The following UNK variants were observed in gnomAD, a reference collection of about 807,000 sequenced individuals.
The protein encoded by UNK is unk zinc finger, also known as RING finger protein unkempt homolog.
Under a neutral mutation model 97.6 loss-of-function variants are expected in UNK, and 32 were observed. That is an observed-to-expected ratio of 0.33 (90% CI 0.25 to 0.44). UNK has a LOEUF of 0.44. UNK is among the 20% of genes least tolerant of loss of function. UNK has a pLI of 1.00. For synonymous variants in UNK, 441 were observed against 461.2 expected (o/e 0.96, Z 0.56); for missense variants, 771 against 1,098.4 (o/e 0.70, Z 4.21).
chr17:75,787,102 G>A (rs2061719382), intron 1 of UNK, among the ~76,000 whole-genome samples: 1 of 152,316 alleles, frequency 6.6e-6, no homozygotes, highest in East Asian at 1.9e-4. Context: ...AGACTTACTA[G>A]CATTCAGAAG....
Position 75,818,528 on chromosome 17 carries a change from C to T in UNK, c.1372-114C>T, listed in dbSNP as rs1000171098. The stretch of plus-strand genomic sequence containing the variant: ...GGGCCCATGTGGGCATGGGGGCACC[C>T]GGACTAGAGCTAGCACGGGCCATTT... On this transcript the variant is annotated intron_variant, in intron 10 of 15. Coordinates refer to ENST00000589666, the MANE Select transcript of UNK (RefSeq NM_001080419.3). This position sits in a 1 kb window ranked among gnomAD's most constrained non-coding sequence, Gnocchi z 5.1. The T allele has an allele frequency of 1.8e-5, 23 of 1,272,876 alleles. No homozygotes were observed. Among genetic ancestry groups the T allele is most frequent in the South Asian group, 4.5e-5 (3 of 66,050 alleles). The allele number at this position is 1,272,876 out of a possible 1,614,324, so 78.8% of individuals were successfully genotyped here.
intron 13 of UNK, 47 bp from the exon 14 acceptor site, chr17:75,822,430 G>C: frequency 6.4e-7 from 1 of 1,555,734 alleles, no homozygotes; most frequent in Non-Finnish European, 8.7e-7. Flanking sequence ...GCCAGGGCCT[G>C]GGCCCAAAGC....
intron 6 of UNK, among the ~76,000 whole-genome samples, chr17:75,814,489 CAAA>C (rs59234903): frequency 2.9e-5 from 2 of 70,012 alleles, no homozygotes; most frequent in Non-Finnish European, 5.1e-5. Context: ...GAGACTCCAT[CAAA>C]AAAAAAAAAA....
At chr17:75,789,359 C>T (rs188965710) in intron 1 of UNK, among the ~76,000 whole-genome samples, 5 of 151,610 alleles carry the variant, frequency 3.3e-5, no homozygotes, top group African/African-American at 1.2e-4. Flanking sequence ...TTTCTGAGAC[C>T]GAGTCTCGCT....
chr17:75,818,252 C>A lies in UNK; in HGVS notation c.1371+84C>A. ...CCAGGAGGCTTCGGGGAGTGGGAGG[C>A]ACCACTTTTCCCAAAAGCTGAGGGC... On this transcript the variant is annotated intron_variant, in intron 10 of 15. Coordinates refer to ENST00000589666, the MANE Select transcript of UNK (RefSeq NM_001080419.3). This position sits in a 1 kb window ranked among gnomAD's most constrained non-coding sequence, Gnocchi z 5.1. The A allele has an allele frequency of 6.8e-7, 1 of 1,478,668 alleles. No individual in the cohort carries two copies. The highest frequency in any genetic ancestry group is 9.3e-7 in the Non-Finnish European group (1 of 1,075,886). The allele number at this position is 1,478,668 out of a possible 1,614,324, so 91.6% of individuals were successfully genotyped here. A position where few individuals can be genotyped will look rare whatever the true frequency, so the allele number is the denominator to read the frequency against.
In UNK at chr17:75,812,681, C is replaced by A. The variant is rs1348313257; in HGVS notation, c.622+96C>A. 4.0e-6 allele frequency: 6 copies of A among 1,499,292 alleles called. No individual in the cohort carries two copies. The South Asian group carries it at 5.3e-5, about 13-fold the overall frequency. 92.9% of individuals were successfully genotyped at this position (1,499,292 alleles called of 1,614,324 possible). ...ACCACCACCTACTGCCTGCTCTAGC[C>A]GAGGCCCCGACCTGGCCCGCATCCC... is the stretch of plus-strand genomic sequence containing the variant. On this transcript the variant is annotated intron_variant, in intron 4 of 15. Coordinates refer to ENST00000589666, the MANE Select transcript of UNK (RefSeq NM_001080419.3).
At chr17:75,805,973 G>A (rs1207966165) in intron 1 of UNK, among the ~76,000 whole-genome samples, 4 of 152,074 alleles carry the variant, frequency 2.6e-5, no homozygotes, top group Admixed American at 2.0e-4. Flanking sequence ...TCCGCTGGGC[G>A]TGGTGGCTCA....
rs754401088 is a variant in UNK, at chr17:75,816,939, G to A, written c.1104+27G>A. 3.5e-5 allele frequency: 56 copies of A among 1,586,974 alleles called. No individual in the cohort carries two copies. Among genetic ancestry groups the A allele is most frequent in the Non-Finnish European group, 4.7e-5 (55 of 1,172,432 alleles). On this transcript the variant is annotated intron_variant, in intron 8 of 15. Coordinates refer to ENST00000589666, the MANE Select transcript of UNK (RefSeq NM_001080419.3). The surrounding 1 kb of genome is among the most constrained non-coding windows in gnomAD (Gnocchi z 4.0). ...TACGTGTCCATCCTGGGGAGTGGGT[G>A]GGCACCATGCCTGACAGAGCCAATA...
At chr17:75,804,811 A>G (rs2061895558) in intron 1 of UNK, among the ~76,000 whole-genome samples, 1 of 152,014 alleles carries the variant, frequency 6.6e-6, no homozygotes, top group Non-Finnish European at 1.5e-5. Context: ...ACTGCACTCC[A>G]GCCTGGTCAA....
At position 75,812,610 on chromosome 17, in the gene UNK, C is replaced by T. The variant is rs535441444; in HGVS notation, c.622+25C>T. The T allele has an allele frequency of 5.7e-5, 92 of 1,607,576 alleles. 1 individual carries two copies. The East Asian group carries it at 1.3e-3, about 22-fold the overall frequency. ...GGTACAGGCATCCACACCTCGGCCG[C>T]GCCCTCCCTATAATCCTGCTCATAG... On this transcript the variant is annotated intron_variant, in intron 4 of 15. Transcript: ENST00000589666.
At position 75,824,491 on chromosome 17, in the gene UNK, T is replaced by G; in HGVS notation, c.*74T>G. On this transcript the variant is annotated 3_prime_UTR_variant, in exon 16 of 16. Transcript: ENST00000589666. The surrounding 1 kb of genome is among the most constrained non-coding windows in gnomAD (Gnocchi z 4.9). ...TTTAAAGTATATATATATATATGAA[T>G]ATATATATATATGTGTATGTATGTA... 5.4e-4 allele frequency: 291 copies of G among 536,300 alleles called. No individual in the cohort carries two copies. Among genetic ancestry groups the G allele is most frequent in the Non-Finnish European group, 6.5e-4 (258 of 394,158 alleles). The allele number at this position is 536,300 out of a possible 1,614,324, so 33.2% of individuals were successfully genotyped here. A position where few individuals can be genotyped will look rare whatever the true frequency, so the allele number is the denominator to read the frequency against.
chr17:75,804,454 AAAAAAT>A (rs773129031), intron 1 of UNK, among the ~76,000 whole-genome samples: 1 of 151,256 alleles, frequency 6.6e-6, no homozygotes. Flanking sequence ...GACTCCATCT[AAAAAAT>A]AAAAATAAAA....
chr17:75,804,461 A>C lies in UNK; in HGVS notation c.105-5299A>C, dbSNP rs538302279. ...CAGAGTGAGACTCCATCTAAAAAAT[A>C]AAAATAAAAAATCCATTAATCTGCG... On this transcript the variant is annotated intron_variant, in intron 1 of 15. Transcript: ENST00000589666. Among the ~76,000 whole-genome samples, 3 of 152,180 alleles carry C rather than the reference A, an allele frequency of 2.0e-5. 1 individual carries two copies. In the South Asian group the frequency reaches 6.2e-4, roughly 32 times the overall value.
At chr17:75,806,858 G>A (rs1185421324) in intron 1 of UNK, among the ~76,000 whole-genome samples, 1 of 152,200 alleles carries the variant, frequency 6.6e-6, no homozygotes, top group East Asian at 1.9e-4. Context: ...ACAGAGAAAG[G>A]CCAGAAACAG....
intron 13 of UNK, among the ~76,000 whole-genome samples, 156 bp downstream of exon 13, chr17:75,820,264 C>T (rs2062055007): frequency 6.6e-6 from 1 of 152,186 alleles, no homozygotes; most frequent in African/African-American, 2.4e-5. Context: ...GTCTGTGTGA[C>T]CCTGGACAAG....
rs374888283 is a variant in UNK at position 75,813,788 on chromosome 17, C to T, written c.786C>T (p.His262=). ...YRSSPCPNVK[H]GDEWGDPGKC... ...CGTCTCCATGTCCAAACGTCAAGCA[C>T]GGGGATGAGTGGGGAGACCCTGGCA... Residue 262 remains histidine, a synonymous_variant, in exon 6 of 16, where the codon CAC becomes CAT. Coordinates refer to ENST00000589666, the MANE Select transcript of UNK (RefSeq NM_001080419.3). 13 of 1,599,108 alleles carry T rather than the reference C, an allele frequency of 8.1e-6. No individual in the cohort carries two copies. The highest frequency in any genetic ancestry group is 3.3e-4 in the Middle Eastern group (2 of 6,068).
At chr17:75,800,997 G>A (rs1034418926) in intron 1 of UNK, among the ~76,000 whole-genome samples, 5 of 151,480 alleles carry the variant, frequency 3.3e-5, no homozygotes, top group Admixed American at 2.6e-4. Flanking sequence ...TCTGTCTCCC[G>A]GGTTCATACC....
chr17:75,810,257 G>A (rs1009805255), intron 2 of UNK, among the ~76,000 whole-genome samples: 1 of 152,230 alleles, frequency 6.6e-6, no homozygotes, highest in African/African-American at 2.4e-5. Flanking sequence ...CTCCCCTGGG[G>A]ATCACATCCC....
rs2062019464 is a variant in UNK, at chr17:75,816,772, C to T, written c.964C>T (p.Pro322Ser). The T allele has an allele frequency of 6.2e-7, 1 of 1,600,344 alleles. No homozygotes were observed. Among genetic ancestry groups the T allele is most frequent in the Non-Finnish European group, 8.5e-7 (1 of 1,178,242 alleles). ...ACCCCTGCCCCTGACTCTTGCAGAG[C>T]CACCCCTGAGTGACGACCTGCAGCC... is the stretch of plus-strand genomic sequence containing the variant. ...PFCAFAHVEQ[P>S]PLSDDLQPSS... The change falls in exon 8 of 16, where the codon CCA becomes TCA. Residue 322 changes from proline to serine, a missense_variant and splice_region_variant. Physicochemically the swap from Pro to Ser is moderately conservative, Grantham distance 74 (BLOSUM62 -1). Around this residue, in one of 5 missense-constraint regions of UNK, gnomAD observed 246 missense variants for 440.7 expected, o/e 0.56. Coordinates refer to ENST00000589666, the MANE Select transcript of UNK (RefSeq NM_001080419.3). The surrounding 1 kb of genome is among the most constrained non-coding windows in gnomAD (Gnocchi z 4.0).
Sources: allele counts gnomAD v4.1 joint callset (sites outside exome capture counted in the v4.1 genomes callset), GRCh38; gene constraint gnomAD v4.1.1; regional missense constraint gnomAD v4.1.1; non-coding constraint Gnocchi (gnomAD v3.1); transcripts MANE v1.5; gene names NCBI Gene and HGNC (gene_info 2026-07-23, HGNC 2026-07-21).